Variants in AGAP1 observed in about 807,000 individuals in gnomAD.
AGAP1 encodes the protein ArfGAP with GTPase domain, ankyrin repeat and PH domain 1.
In AGAP1, 29 loss-of-function variants were observed where a neutral mutation model predicts 105.3. The ratio of observed to expected loss-of-function variants is 0.28; its 90% CI spans 0.21 to 0.38. AGAP1 has a LOEUF of 0.38. Among genes scored for constraint, AGAP1 ranks in the 10% least tolerant of loss-of-function variants. The pLI, the probability that AGAP1 is intolerant of heterozygous loss-of-function variation, is 1.00. For missense variants in AGAP1, 998 were observed against 1,165.1 expected, an observed-to-expected ratio of 0.86 and a Z score of 2.09; for synonymous variants, 509 against 485.9, an observed-to-expected ratio of 1.05 and a Z score of -0.63.
intron 10 of AGAP1, among the ~76,000 whole-genome samples, chr2:235,899,888 G>GTA (rs2050984389): frequency 6.6e-6 from 1 of 152,218 alleles, no homozygotes; most frequent in East Asian, 1.9e-4. Context: ...TTCAGGCAGT[G>GTA]TAAACCTCAA....
chr2:235,662,522 T>A lies in AGAP1; in HGVS notation c.164-46657T>A, dbSNP rs1243429106. 6.6e-6 allele frequency among the ~76,000 whole-genome samples: 1 copy of A among 151,226 alleles called. No homozygotes were observed. Among genetic ancestry groups the A allele is most frequent in the Non-Finnish European group, 1.5e-5 (1 of 67,704 alleles). On this transcript the variant is annotated intron_variant, in intron 1 of 17. Transcript: ENST00000304032. The surrounding 1 kb of genome is among the most constrained non-coding windows in gnomAD (Gnocchi z 4.2). The stretch of plus-strand genomic sequence containing the variant: ...TGCCTTCATGGAAGTTGGTGATTTT[T>A]TTTTTTTTTTTTTTGGCTCTGTTGC...
chr2:235,908,939 G>A lies in AGAP1; in HGVS notation c.1324+33G>A, dbSNP rs1325870373. 1 of 1,589,362 alleles carries A rather than the reference G, an allele frequency of 6.3e-7. No homozygotes were observed. The highest frequency in any genetic ancestry group is 2.3e-5 in the East Asian group (1 of 44,380). On this transcript the variant is annotated intron_variant, in intron 11 of 17. Transcript: ENST00000304032. This position sits in a 1 kb window ranked among gnomAD's most constrained non-coding sequence, Gnocchi z 4.4. ...TACAGCAAATGCACTAACAAATCAA[G>A]TTCAACAGCAACAGGTGGTCCAGGC...
At chr2:235,709,582 G>A (rs10190094) in intron 2 of AGAP1, among the ~76,000 whole-genome samples, 34,213 of 151,488 alleles carry the variant, frequency 0.23, 4,144 homozygotes, top group East Asian at 0.41. Flanking sequence ...AGGATGTCAC[G>A]GAAGGCTCCA....
chr2:235,651,089 G>T (rs1259871443), intron 1 of AGAP1, among the ~76,000 whole-genome samples: 1 of 149,540 alleles, frequency 6.7e-6, no homozygotes, highest in Non-Finnish European at 1.5e-5. Context: ...GCTGAGGTGG[G>T]ACAATCAGTT....
At chr2:236,008,277 G>C (rs2056392076) in intron 13 of AGAP1, among the ~76,000 whole-genome samples, 1 of 152,312 alleles carries the variant, frequency 6.6e-6, no homozygotes, top group Middle Eastern at 3.4e-3. Flanking sequence ...CCCAGAAGTA[G>C]GGGAAGCCCA....
In AGAP1 at chr2:236,027,013, T is replaced by C. The variant is rs1488890579; in HGVS notation, c.1646-9548T>C. Among the ~76,000 whole-genome samples, 1 of 152,238 alleles carries C rather than the reference T, an allele frequency of 6.6e-6. No homozygotes were observed. Among genetic ancestry groups the C allele is most frequent in the East Asian group, 1.9e-4 (1 of 5,194 alleles). ...AAAAATGGCTGTAAAGTCCTGGCGT[T>C]GTGCCTGACAGAATTTGGAGCCCAG... On this transcript the variant is annotated intron_variant, in intron 13 of 17. Coordinates refer to ENST00000304032, the MANE Select transcript of AGAP1 (RefSeq NM_001037131.3). This position sits in a 1 kb window ranked among gnomAD's most constrained non-coding sequence, Gnocchi z 4.4.
intron 1 of AGAP1, among the ~76,000 whole-genome samples, chr2:235,687,538 T>C (rs1242222618): frequency 6.6e-6 from 1 of 152,222 alleles, no homozygotes; most frequent in Non-Finnish European, 1.5e-5. Context: ...TAGGTGAGTT[T>C]CCAAACAGAT....
In AGAP1 at chr2:235,553,441, G is replaced by T. The variant is rs1402950234; in HGVS notation, c.163+58592G>T. ...CCACAGCTAGTTTTAAAAACTACAT[G>T]ATTGTGTTGCTAGGATTAGTTAAGA... On this transcript the variant is annotated intron_variant, in intron 1 of 17. Transcript: ENST00000304032. The surrounding 1 kb of genome is among the most constrained non-coding windows in gnomAD (Gnocchi z 4.5). Among the ~76,000 whole-genome samples, 1 of 152,128 alleles carries T rather than the reference G, an allele frequency of 6.6e-6. No individual in the cohort carries two copies.
intron 1 of AGAP1, among the ~76,000 whole-genome samples, chr2:235,579,798 C>G (rs955224063): frequency 5.3e-5 from 8 of 151,880 alleles, no homozygotes; most frequent in Non-Finnish European, 1.0e-4. Context: ...AAAGTGAACA[C>G]TTACTTAGCG....
In AGAP1 at chr2:236,120,151, G is replaced by C; in HGVS notation, c.2115-41G>C. The C allele has an allele frequency of 1.9e-6, 3 of 1,577,488 alleles. No individual in the cohort carries two copies. Among genetic ancestry groups the C allele is most frequent in the Non-Finnish European group, 1.7e-6 (2 of 1,159,722 alleles). On this transcript the variant is annotated intron_variant, in intron 16 of 17. Coordinates refer to ENST00000304032, the MANE Select transcript of AGAP1 (RefSeq NM_001037131.3). This position sits in a 1 kb window ranked among gnomAD's most constrained non-coding sequence, Gnocchi z 6.0. ...GCAGGGGCTGGCAGCCTGTGTTCTC[G>C]GGCCTGATCGTGACTGCACCTGTCT...
intron 16 of AGAP1, among the ~76,000 whole-genome samples, chr2:236,102,751 G>A (rs984844810): frequency 8.5e-5 from 13 of 152,112 alleles, no homozygotes; most frequent in Admixed American, 2.0e-4. Context: ...TGTCACTGGC[G>A]ATTTTTCCTG....
At position 236,012,066 on chromosome 2, in the gene AGAP1, T is replaced by G. The variant is rs2056531326; in HGVS notation, c.1646-24495T>G. Among the ~76,000 whole-genome samples the G allele has an allele frequency of 6.6e-6, 1 of 152,152 alleles. No individual in the cohort carries two copies. The highest frequency in any genetic ancestry group is 2.4e-5 in the African/African-American group (1 of 41,446). Reference sequence around the variant, plus strand: ...GGAGACCGATGCACATATCAGGACCTTGGTATCAGCTAGAAAACATCCATT... The same window carrying G: ...GGAGACCGATGCACATATCAGGACCGTGGTATCAGCTAGAAAACATCCATT... On this transcript the variant is annotated intron_variant, in intron 13 of 17. Transcript: ENST00000304032. This position sits in a 1 kb window ranked among gnomAD's most constrained non-coding sequence, Gnocchi z 4.9.
At chr2:235,526,948 T>C (rs1185644930) in intron 1 of AGAP1, among the ~76,000 whole-genome samples, 3 of 152,206 alleles carry the variant, frequency 2.0e-5, no homozygotes, top group Non-Finnish European at 2.9e-5. Context: ...TTGGAAAGGA[T>C]TTGTCTCCAA....
At position 236,012,365 on chromosome 2, in the gene AGAP1, T is replaced by C. The variant is rs1053867776; in HGVS notation, c.1646-24196T>C. 1.3e-5 allele frequency among the ~76,000 whole-genome samples: 2 copies of C among 151,892 alleles called. No homozygotes were observed. The highest frequency in any genetic ancestry group is 2.1e-4 in the South Asian group (1 of 4,804). On this transcript the variant is annotated intron_variant, in intron 13 of 17. Transcript: ENST00000304032. The surrounding 1 kb of genome is among the most constrained non-coding windows in gnomAD (Gnocchi z 4.9). ...AGAGGTAAGTTGTACTCTTGAGGAG[T>C]GCAGCCTTCTCATGGCTACCTCTTT...
chr2:236,084,745 A>G (rs1418251938), intron 16 of AGAP1, among the ~76,000 whole-genome samples: 1 of 151,962 alleles, frequency 6.6e-6, no homozygotes, highest in Non-Finnish European at 1.5e-5. Flanking sequence ...TCTGCTAATA[A>G]TACAAAAAAT....
At chr2:235,617,822 CCAAATT>C (rs1444345262) in intron 1 of AGAP1, among the ~76,000 whole-genome samples, 6 of 152,150 alleles carry the variant, frequency 3.9e-5, no homozygotes, top group Non-Finnish European at 8.8e-5. Flanking sequence ...TAAAAACACT[CCAAATT>C]CAGATTTCTT....
intron 5 of AGAP1, among the ~76,000 whole-genome samples, chr2:235,746,410 T>TTTTTTTTTTTTTTTC (rs1952954174): frequency 8.8e-6 from 1 of 113,150 alleles, no homozygotes; most frequent in African/African-American, 3.3e-5. Flanking sequence ...TTTTTTTTTT[T>TTTTTTTTTTTTTTTC]TAAAGCGTAC....
chr2:236,009,316 G>A lies in AGAP1; in HGVS notation c.1646-27245G>A, dbSNP rs2056430493. ...AAATCGCCACGGACAAAAGATCACG[G>A]GATACCGGGAGCACTAAACTGGAAG... On this transcript the variant is annotated intron_variant, in intron 13 of 17. Coordinates refer to ENST00000304032, the MANE Select transcript of AGAP1 (RefSeq NM_001037131.3). This position sits in a 1 kb window ranked among gnomAD's most constrained non-coding sequence, Gnocchi z 4.2. Among the ~76,000 whole-genome samples the A allele has an allele frequency of 6.6e-6, 1 of 152,108 alleles. No individual in the cohort carries two copies. Among genetic ancestry groups the A allele is most frequent in the African/African-American group, 2.4e-5 (1 of 41,422 alleles).
chr2:235,982,452 C>T lies in AGAP1; in HGVS notation c.1645+13829C>T, dbSNP rs1290977426. Among the ~76,000 whole-genome samples the T allele has an allele frequency of 6.6e-6, 1 of 152,112 alleles. No homozygotes were observed. Among genetic ancestry groups the T allele is most frequent in the East Asian group, 1.9e-4 (1 of 5,200 alleles). On this transcript the variant is annotated intron_variant, in intron 13 of 17. Coordinates refer to ENST00000304032, the MANE Select transcript of AGAP1 (RefSeq NM_001037131.3). The surrounding 1 kb of genome is among the most constrained non-coding windows in gnomAD (Gnocchi z 4.9). ...CTAGGAGGTCAGAAGGAAGGGGGGA[C>T]GATTCATGCAATGAGGCACTGCTGT...
Sources: gnomAD v4.1 joint callset for allele counts (sites outside exome capture counted in the v4.1 genomes callset) on GRCh38, gnomAD v4.1.1 for gene constraint, Gnocchi (gnomAD v3.1) non-coding constraint, MANE v1.5 for transcripts, NCBI Gene and HGNC (gene_info 2026-07-23, HGNC 2026-07-21) for gene names.